ABCA4: variants seen among roughly 807,000 people sequenced by gnomAD.
The protein encoded by ABCA4 is ATP binding cassette subfamily A member 4.
Under a neutral mutation model 263.7 loss-of-function variants are expected in ABCA4, and 196 were observed. The ratio of observed to expected loss-of-function variants is 0.74; its 90% confidence interval spans 0.66 to 0.84. ABCA4 has a LOEUF of 0.84. Among genes scored for constraint, ABCA4 ranks in the 40% least tolerant of loss-of-function variants. ABCA4 has a pLI of 0.00. For missense variants in ABCA4, 2,792 were observed against 2,855.1 expected (o/e 0.98, Z 0.50); for synonymous variants, 1,133 against 1,094.2 (o/e 1.04, Z -0.70).
intron 44 of ABCA4, among the ~76,000 whole-genome samples, chr1:94,003,898 A>G (rs1659284246): frequency 6.6e-6 from 1 of 151,228 alleles, no homozygotes. Flanking sequence ...TTGGCCTCCC[A>G]AAGTGCTGCG....
intron 11 of ABCA4, among the ~76,000 whole-genome samples, chr1:94,067,964 T>C (rs1167804180): frequency 1.3e-5 from 2 of 152,344 alleles, no homozygotes; most frequent in Non-Finnish European, 2.9e-5. Flanking sequence ...TTTATGACTG[T>C]TTTTGCAAAA....
intron 6 of ABCA4, among the ~76,000 whole-genome samples, chr1:94,090,047 T>G (rs371977317): frequency 6.6e-6 from 1 of 152,074 alleles, no homozygotes; most frequent in Non-Finnish European, 1.5e-5. Flanking sequence ...CTCACTCACG[T>G]TGGAATCATG....
intron 27 of ABCA4, 149 bp downstream of exon 27, chr1:94,031,629 G>A: frequency 9.1e-7 from 1 of 1,102,118 alleles, no homozygotes; most frequent in South Asian, 1.4e-5. Context: ...CAAGATAAGG[G>A]TTTGGAAAGC....
chr1:94,066,768 C>T (rs1255023468), intron 11 of ABCA4, among the ~76,000 whole-genome samples: 9 of 152,216 alleles, frequency 5.9e-5, no homozygotes, highest in Admixed American at 5.2e-4. Context: ...GGTGTAACAT[C>T]CCTGAACAAG....
intron 31 of ABCA4, 48 bp from the exon 32 acceptor site, chr1:94,023,466 T>C: frequency 6.9e-7 from 1 of 1,449,620 alleles, no homozygotes; most frequent in South Asian, 1.2e-5. Context: ...AGTACAGCAG[T>C]GCCGTTAACT....
intron 26 of ABCA4, among the ~76,000 whole-genome samples, chr1:94,032,941 G>A (rs1660244965): frequency 6.6e-6 from 1 of 152,192 alleles, no homozygotes; most frequent in South Asian, 2.1e-4. Flanking sequence ...TATTACCTGT[G>A]TACTTAAACA....
Position 94,015,857 on chromosome 1 carries a change from C to A in ABCA4, c.5197-3G>T, listed in dbSNP as rs180865157. The A allele has an allele frequency of 6.2e-7, 1 of 1,611,378 alleles. No homozygotes were observed. Among genetic ancestry groups the A allele is most frequent in the Admixed American group, 1.7e-5 (1 of 59,708 alleles). On this transcript the variant is annotated splice_region_variant and splice_polypyrimidine_tract_variant and intron_variant, in intron 36 of 49. Coordinates refer to ENST00000370225, the MANE Select transcript of ABCA4 (RefSeq NM_000350.3). ...CCAGCACTCACGGAATAATTCATCT[C>A]GGAAAGAGAAGAGGAGAGCAAGTCA...
chr1:94,077,416 G>T (rs1490500548), intron 11 of ABCA4, among the ~76,000 whole-genome samples: 4 of 152,180 alleles, frequency 2.6e-5, no homozygotes, highest in Non-Finnish European at 5.9e-5. Context: ...AGAGGGTTGA[G>T]GACAGACACA....
At chr1:94,095,870 G>T (rs1002688348) in intron 6 of ABCA4, among the ~76,000 whole-genome samples, 8 of 150,954 alleles carry the variant, frequency 5.3e-5, no homozygotes, top group Non-Finnish European at 1.5e-5. Context: ...TTTCTCCACC[G>T]AGACGGAAGC....
chr1:94,113,093 A>C (rs1662657788), intron 1 of ABCA4, 27 bp from the exon 2 acceptor site: 5 of 1,600,818 alleles, frequency 3.1e-6, no homozygotes, highest in Non-Finnish European at 4.3e-6. Context: ...AAAAGAGAGA[A>C]AGTTCAGTGG....
chr1:94,002,726 G>A (rs1012963143), intron 44 of ABCA4, among the ~76,000 whole-genome samples: 7 of 152,046 alleles, frequency 4.6e-5, no homozygotes, highest in African/African-American at 1.7e-4. Flanking sequence ...CTTCATTCAG[G>A]TTCTCTCCTC....
Position 94,095,110 on chromosome 1 carries a change from G to C in ABCA4, c.768+3684C>G, listed in dbSNP as rs116079572. On this transcript the variant is annotated intron_variant, in intron 6 of 49. Coordinates refer to ENST00000370225, the MANE Select transcript of ABCA4 (RefSeq NM_000350.3). ...TGTGCGCACGCAAGTGAGCGTGTGC[G>C]ATAGTGTGCAAATGAGCGTGTGAGT... Among the ~76,000 whole-genome samples, 1,186 of 152,314 alleles carry C rather than the reference G, an allele frequency of 7.8e-3. 23 individuals are homozygous for C. The highest frequency in any genetic ancestry group is 0.027 in the African/African-American group (1,133 of 41,560).
Position 94,031,871 on chromosome 1 carries a change from G to GTT in ABCA4, c.4033_4034dup (p.Asn1345LysfsTer45), listed in dbSNP as rs760519654. ...GCTGGAGGACCAGCTGTGTCCCCGT[G>GTT]TTGAGCTGCGGGCCTGGGCACTCTG... On this transcript the variant is annotated frameshift_variant, in exon 27 of 50. Transcript: ENST00000370225. LOFTEE classifies it high-confidence loss of function. The GTT allele has an allele frequency of 6.2e-7, 1 of 1,614,216 alleles. No individual in the cohort carries two copies. Among genetic ancestry groups the GTT allele is most frequent in the South Asian group, 1.1e-5 (1 of 91,080 alleles).
intron 10 of ABCA4, 114 bp from the exon 11 acceptor site, chr1:94,078,001 C>T (rs1557794007): frequency 2.0e-6 from 2 of 1,018,514 alleles, no homozygotes; most frequent in East Asian, 4.8e-5. Context: ...GCTAAGGCTC[C>T]CTGAAGAGCT....
At chr1:94,019,378 C>T in intron 36 of ABCA4, 1 of 605,748 alleles carries the variant, frequency 1.7e-6, no homozygotes, top group Non-Finnish European at 2.9e-6. Context: ...CACCCCACAG[C>T]CTTTCCTAGC....
chr1:94,028,177 T>C (rs1467502627), intron 30 of ABCA4, among the ~76,000 whole-genome samples: 1 of 152,234 alleles, frequency 6.6e-6, no homozygotes, highest in Non-Finnish European at 1.5e-5. Context: ...GTCCCATACC[T>C]GTGCTTTCCC....
intron 14 of ABCA4, 70 bp downstream of exon 14, chr1:94,060,467 C>G: frequency 7.0e-7 from 1 of 1,422,132 alleles, no homozygotes; most frequent in Non-Finnish European, 9.9e-7. Flanking sequence ...AATCCAGGCA[C>G]ATGAACAGGA....
chr1:94,079,446 G>A lies in ABCA4; in HGVS notation c.1115C>T (p.Ala372Val). 6.2e-7 allele frequency: 1 copy of A among 1,614,194 alleles called. No homozygotes were observed. Among genetic ancestry groups the A allele is most frequent in the Non-Finnish European group, 8.5e-7 (1 of 1,180,024 alleles). The change falls in exon 9 of 50, where the codon GCA becomes GTA. Residue 372 changes from alanine to valine, a missense_variant. Physicochemically the swap from Ala to Val is moderately conservative, Grantham distance 64. Coordinates refer to ENST00000370225, the MANE Select transcript of ABCA4 (RefSeq NM_000350.3). Reference sequence around the variant, plus strand: ...ATTTGACTCCAGGCTCTGGATCAATGCATTACAAAAGGATGCTGCCAGGAG... The same window carrying A: ...ATTTGACTCCAGGCTCTGGATCAATACATTACAAAAGGATGCTGCCAGGAG... ...YDRRTTSFCNALIQSLESNPL... is the reference protein window; with the variant it reads ...YDRRTTSFCNVLIQSLESNPL...
rs567747545 is a variant in ABCA4 at position 94,054,614 on chromosome 1, A to T, written c.2587+497T>A. On this transcript the variant is annotated intron_variant, in intron 16 of 49. Transcript: ENST00000370225. ...AGAGGAAATGCGCTCGGTGTATTAA[A>T]CAGTCAGTAAGGAGGCCGACGTGGC... Among the ~76,000 whole-genome samples, 31 of 152,308 alleles carry T rather than the reference A, an allele frequency of 2.0e-4. No individual in the cohort carries two copies. In the South Asian group the frequency reaches 6.2e-3, roughly 31 times the overall value.
Sources: allele counts gnomAD v4.1 joint callset (sites outside exome capture counted in the v4.1 genomes callset), GRCh38; gene constraint gnomAD v4.1.1; transcripts MANE v1.5; gene names NCBI Gene and HGNC (gene_info 2026-07-23, HGNC 2026-07-21).